Variants in ALB observed in about 807,000 individuals in gnomAD.
ALB encodes the protein albumin.
ALB carries 37 observed loss-of-function variants against 74.5 expected under a neutral mutation model. The observed-to-expected ratio is 0.50, with a 90% confidence interval of 0.38 to 0.65. The LOEUF is 0.65. Ranked by LOEUF, ALB falls within the 30% of genes least tolerant of loss-of-function variation. The probability of loss-of-function intolerance (pLI) is 0.00; values close to 1 mark genes in which losing one functional copy is unlikely to be tolerated. For missense variants in ALB, 685 were observed against 718.7 expected, an observed-to-expected ratio of 0.95 and a Z score of 0.54; for synonymous variants, 249 against 251.6, an observed-to-expected ratio of 0.99 and a Z score of 0.10.
intron 14 of ALB, 134 bp from the exon 15 acceptor site, chr4:73,420,957 AG>A: frequency 1.8e-6 from 1 of 569,472 alleles, no homozygotes; most frequent in Non-Finnish European, 3.1e-6. Flanking sequence ...CCGTAAGTCT[AG>A]GACAGGCTTA....
intron 2 of ALB, among the ~76,000 whole-genome samples, chr4:73,405,647 G>A (rs1421503246): frequency 6.6e-6 from 1 of 151,506 alleles, no homozygotes; most frequent in Non-Finnish European, 1.5e-5. Context: ...CTGGAGTGCA[G>A]TGGCGCAATC....
At chr4:73,414,894 A>C in intron 8 of ALB, 141 bp from the exon 9 acceptor site, 1 of 1,011,636 alleles carries the variant, frequency 9.9e-7, no homozygotes, top group Non-Finnish European at 1.5e-6. Context: ...CTGGACCCCA[A>C]GTCCTTAGCT....
At chr4:73,406,307 C>A (rs1377647237) in intron 2 of ALB, among the ~76,000 whole-genome samples, 1 of 152,136 alleles carries the variant, frequency 6.6e-6, no homozygotes, top group Non-Finnish European at 1.5e-5. Context: ...TTAAGTAATT[C>A]TAAGGACTTT....
chr4:73,413,302 G>A, intron 7 of ALB, 118 bp from the exon 8 acceptor site: 1 of 939,450 alleles, frequency 1.1e-6, no homozygotes. Flanking sequence ...GTTCATAGAA[G>A]GAATATGTGT....
At chr4:73,412,231 C>A in intron 7 of ALB, 106 bp downstream of exon 7, 1 of 1,399,164 alleles carries the variant, frequency 7.1e-7, no homozygotes, top group South Asian at 1.2e-5. Flanking sequence ...AGATTGTCTT[C>A]TGTGCTTTCG....
At chr4:73,406,510 G>A in intron 2 of ALB, 119 bp from the exon 3 acceptor site, 1 of 993,534 alleles carries the variant, frequency 1.0e-6, no homozygotes, top group Non-Finnish European at 1.5e-6. Context: ...TCTGGATAAT[G>A]GTGAAGAAGA....
At chr4:73,419,117 T>G (rs566819478) in intron 12 of ALB, among the ~76,000 whole-genome samples, 123 of 152,292 alleles carry the variant, frequency 8.1e-4, no homozygotes, top group African/African-American at 2.9e-3. Flanking sequence ...TTAAGGATCA[T>G]TTTTAGCTCT....
In ALB at chr4:73,412,100, A is replaced by G; in HGVS notation, c.818A>G (p.Asp273Gly). ...TKVHTECCHG[D>G]LLECADDRAD... is the part of the protein sequence containing the mutation. ...GTCCACACGGAATGCTGCCATGGAG[A>G]TCTGCTTGAATGTGCTGATGACAGG... The change falls in exon 7 of 15, where the codon GAT becomes GGT. Residue 273 changes from aspartate to glycine, a missense_variant. By Grantham distance (94) the Asp-to-Gly change is moderately conservative. Coordinates refer to ENST00000295897, the MANE Select transcript of ALB (RefSeq NM_000477.7). 6.2e-7 allele frequency: 1 copy of G among 1,614,100 alleles called. No individual in the cohort carries two copies. Among genetic ancestry groups the G allele is most frequent in the Non-Finnish European group, 8.5e-7 (1 of 1,180,006 alleles).
Position 73,419,584 on chromosome 4 carries a change from CT to C in ALB, c.1734del (p.Phe578LeufsTer2). 6.2e-7 allele frequency: 1 copy of C among 1,613,844 alleles called. No homozygotes were observed. The highest frequency in any genetic ancestry group is 8.5e-7 in the Non-Finnish European group (1 of 1,179,940). ...QLKAVMDDFA[A>X]FVEKCCKADD... ...AAAGCTGTTATGGATGATTTCGCAGCTTTTGTAGAGAAGTGCTGCAAGGCTG... is the reference window on the plus strand; with the variant it reads ...AAAGCTGTTATGGATGATTTCGCAGCTTTGTAGAGAAGTGCTGCAAGGCTG... On this transcript the variant is annotated frameshift_variant, in exon 13 of 15. Transcript: ENST00000295897. LOFTEE classifies it high-confidence loss of function.
chr4:73,409,103 C>T (rs1007377951), intron 4 of ALB: 12 of 570,418 alleles, frequency 2.1e-5, no homozygotes, highest in East Asian at 8.9e-5. Flanking sequence ...TAATTGATTT[C>T]GTTTTAGTCA....
chr4:73,407,180 A>G (rs1456960013), intron 3 of ALB, among the ~76,000 whole-genome samples: 1 of 152,074 alleles, frequency 6.6e-6, no homozygotes, highest in Non-Finnish European at 1.5e-5. Context: ...ACAATCCATT[A>G]TTGTTAACTA....
In ALB at chr4:73,415,044, TGAATA is replaced by T; in HGVS notation, c.1069_1073del (p.Glu357CysfsTer6). On this transcript the variant is annotated frameshift_variant, in exon 9 of 15. Transcript: ENST00000295897. LOFTEE classifies it high-confidence loss of function. Reference sequence around the variant, plus strand: ...TTTTCATCTTAATTAGGTTTTTGTATGAATATGCAAGAAGGCATCCTGATTACTCT... The same window carrying T: ...TTTTCATCTTAATTAGGTTTTTGTATTGCAAGAAGGCATCCTGATTACTCT... 3.1e-6 allele frequency: 5 copies of T among 1,614,086 alleles called. No individual in the cohort carries two copies. Among genetic ancestry groups the T allele is most frequent in the Non-Finnish European group, 4.2e-6 (5 of 1,179,972 alleles).
chr4:73,418,260 A>T lies in ALB; in HGVS notation c.1601A>T (p.His534Leu), dbSNP rs769125333. ...KEFNAETFTF[H>L]ADICTLSEKE... Reference sequence around the variant, plus strand: ...TTTAATGCTGAAACATTCACCTTCCATGCAGATATATGCACACTTTCTGAG... The same window carrying T: ...TTTAATGCTGAAACATTCACCTTCCTTGCAGATATATGCACACTTTCTGAG... Residue 534 changes from histidine to leucine, a missense_variant, in exon 12 of 15, where the codon CAT becomes CTT. By Grantham distance (99) the His-to-Leu change is moderately conservative. Coordinates refer to ENST00000295897, the MANE Select transcript of ALB (RefSeq NM_000477.7). 3.1e-6 allele frequency: 5 copies of T among 1,614,092 alleles called. No homozygotes were observed. In the South Asian group the frequency reaches 5.5e-5, roughly 18 times the overall value.
At chr4:73,409,968 C>T (rs537483955) in intron 5 of ALB, among the ~76,000 whole-genome samples, 1 of 152,006 alleles carries the variant, frequency 6.6e-6, no homozygotes, top group African/African-American at 2.4e-5. Context: ...GGAGGAGAGA[C>T]TGAAATGAAT....
Position 73,414,954 on chromosome 4 carries a change from G to T in ALB, c.1059-81G>T. 2.6e-6 allele frequency: 4 copies of T among 1,538,810 alleles called. No individual in the cohort carries two copies. The South Asian group carries it at 4.5e-5, about 17-fold the overall frequency. The stretch of plus-strand genomic sequence containing the variant: ...AGTCAAATTAAGACTTTTGGAATAT[G>T]AGTTACTTTTGAGATTAGCTTTGTG... On this transcript the variant is annotated intron_variant, in intron 8 of 14. Coordinates refer to ENST00000295897, the MANE Select transcript of ALB (RefSeq NM_000477.7).
rs762145181 is a variant in ALB, at chr4:73,415,161, C to T, written c.1185C>T (p.Ala395=). 9 of 1,613,884 alleles carry T rather than the reference C, an allele frequency of 5.6e-6. No individual in the cohort carries two copies. The highest frequency in any genetic ancestry group is 5.9e-6 in the Non-Finnish European group (7 of 1,180,018). ...CTGCAGATCCTCATGAATGCTATGC[C>T]AAAGTGGTAGGTTTATTGTTGGAAA... is the stretch of plus-strand genomic sequence containing the variant. ...CAAADPHECY[A]KVFDEFKPLV... The change falls in exon 9 of 15, where the codon GCC becomes GCT. Residue 395 remains alanine (A), a synonymous_variant. Transcript: ENST00000295897.
chr4:73,418,493 C>T (rs1236425687), intron 12 of ALB, among the ~76,000 whole-genome samples, 182 bp downstream of exon 12: 1 of 152,004 alleles, frequency 6.6e-6, no homozygotes, highest in African/African-American at 2.4e-5. Flanking sequence ...AGACAAAATC[C>T]TCTGTTATAA....
Position 73,406,618 on chromosome 4 carries a change from C to A in ALB, c.138-11C>A. 6.2e-7 allele frequency: 1 copy of A among 1,613,272 alleles called. No individual in the cohort carries two copies. On this transcript the variant is annotated splice_polypyrimidine_tract_variant and intron_variant, in intron 2 of 14. Coordinates refer to ENST00000295897, the MANE Select transcript of ALB (RefSeq NM_000477.7). ...TTATTATACTACATTTTTCTACATC[C>A]TTTGTTTCAGGGTGTTGATTGCCTT...
chr4:73,417,611 T>A lies in ALB; in HGVS notation c.1370T>A (p.Val457Glu). ...GAGGTCTCAAGAAACCTAGGAAAAG[T>A]GGGCAGCAAATGTTGTAAACATCCT... ...LVEVSRNLGK[V>E]GSKCCKHPEA... is the part of the protein sequence containing the mutation. Residue 457 changes from valine (V) to glutamate (E), a missense_variant, in exon 11 of 15, where the codon GTG becomes GAG. Coordinates refer to ENST00000295897, the MANE Select transcript of ALB (RefSeq NM_000477.7). 1 of 1,613,902 alleles carries A rather than the reference T, an allele frequency of 6.2e-7. No homozygotes were observed. Among genetic ancestry groups the A allele is most frequent in the Middle Eastern group, 1.6e-4 (1 of 6,062 alleles).
Sources: allele counts gnomAD v4.1 joint callset (sites outside exome capture counted in the v4.1 genomes callset), GRCh38; gene constraint gnomAD v4.1.1; transcripts MANE v1.5; gene names NCBI Gene and HGNC (gene_info 2026-07-23, HGNC 2026-07-21).